The following DELE1 variants were observed in gnomAD, a reference collection of about 807,000 sequenced individuals.
The protein encoded by DELE1 is death ligand signal enhancer.
Under a neutral mutation model 59.3 loss-of-function variants are expected in DELE1, and 54 were observed. That is an observed-to-expected ratio of 0.91 (90% CI 0.73 to 1.14). The LOEUF (loss-of-function observed/expected upper bound fraction) is 1.14, where lower values mean the gene tolerates loss of function less well. DELE1 is among the 50% of genes most tolerant of loss of function. DELE1 has a pLI of 0.00. For missense variants in DELE1, 636 were observed against 643.9 expected (o/e 0.99, Z 0.13); for synonymous variants, 264 against 259.1 (o/e 1.02, Z -0.18).
At chr5:141,934,616 G>T (rs746857988) in intron 10 of DELE1, 30 bp downstream of exon 10, 2 of 1,597,844 alleles carry the variant, frequency 1.3e-6, no homozygotes, top group African/African-American at 1.3e-5. Context: ...AAGCATGTTG[G>T]GGATGAAGCC....
At chr5:141,934,003 AT>A (rs1327526657) in intron 8 of DELE1, 9 of 354,480 alleles carry the variant, frequency 2.5e-5, no homozygotes, top group African/African-American at 1.7e-4. Context: ...GTGAGAAGAT[AT>A]TTGCAAGGCT....
intron 2 of DELE1, 95 bp from the exon 3 acceptor site, chr5:141,925,315 C>A: frequency 1.4e-6 from 1 of 703,750 alleles, no homozygotes; most frequent in Non-Finnish European, 2.3e-6. Context: ...CCCACCTCAG[C>A]CTCCCAAATT....
intron 10 of DELE1, among the ~76,000 whole-genome samples, chr5:141,935,677 C>A (rs1309805754): frequency 1.3e-5 from 2 of 152,216 alleles, no homozygotes; most frequent in African/African-American, 4.8e-5. Flanking sequence ...TGAAAGAGCC[C>A]CACAGAGCCT....
intron 8 of DELE1, 103 bp from the exon 9 acceptor site, chr5:141,934,131 CTATAAT>C: frequency 1.2e-6 from 1 of 864,008 alleles, no homozygotes; most frequent in Non-Finnish European, 1.6e-6. Flanking sequence ...TCTGACTAGT[CTATAAT>C]TATTATGTAT....
chr5:141,924,078 C>A, intron 1 of DELE1, 106 bp downstream of exon 1: 1 of 1,429,132 alleles, frequency 7.0e-7, no homozygotes, highest in Non-Finnish European at 9.7e-7. Flanking sequence ...CGGGTTAGAG[C>A]CAAGGAAGGC....
Position 141,923,933 on chromosome 5 carries a change from G to A in DELE1, c.-9G>A. On this transcript the variant is annotated 5_prime_UTR_variant, in exon 1 of 12. Coordinates refer to ENST00000432126, the MANE Select transcript of DELE1 (RefSeq NM_014773.5). The stretch of plus-strand genomic sequence containing the variant: ...TCGGCTGCGAGCTCTCTGTGGTGCT[G>A]GCAGCGACATGTGGCGCCTCCCGGG... The A allele has an allele frequency of 1.2e-6, 2 of 1,605,774 alleles. No individual in the cohort carries two copies.
intron 10 of DELE1, 164 bp downstream of exon 10, chr5:141,934,750 G>A: frequency 1.5e-6 from 1 of 659,292 alleles, no homozygotes; most frequent in Non-Finnish European, 2.6e-6. Flanking sequence ...CCGTTGGGCA[G>A]TTGCAGTAGT....
At chr5:141,929,805 G>T (rs1168619177) in intron 5 of DELE1, 65 bp downstream of exon 5, 8 of 1,591,158 alleles carry the variant, frequency 5.0e-6, no homozygotes, top group Non-Finnish European at 6.9e-6. Context: ...GGGCAAGATG[G>T]ACGTTGTTTG....
At position 141,937,384 on chromosome 5, in the gene DELE1, G is replaced by C. The variant is rs761812611; in HGVS notation, c.1309+27G>C. 2.0e-5 allele frequency: 32 copies of C among 1,611,982 alleles called. No individual in the cohort carries two copies. The African/African-American group carries it at 4.0e-4, about 20-fold the overall frequency. ...TACAGACCCAAGTCCAAGCCAACAG[G>C]TTCATTCCCTGAGCTCAGTACTCTG... On this transcript the variant is annotated intron_variant, in intron 11 of 11. Transcript: ENST00000432126.
intron 10 of DELE1, among the ~76,000 whole-genome samples, chr5:141,935,293 G>A (rs1224072592): frequency 6.6e-6 from 1 of 152,206 alleles, no homozygotes; most frequent in African/African-American, 2.4e-5. Context: ...ATGGTTAGAT[G>A]GGTTTGGGAA....
chr5:141,934,470 C>A (rs1205991825), intron 9 of DELE1, 24 bp from the exon 10 acceptor site: 5 of 1,614,090 alleles, frequency 3.1e-6, no homozygotes, highest in African/African-American at 2.7e-5. Flanking sequence ...AAGATGCCTT[C>A]TTTTCCTTCC....
At chr5:141,936,614 T>A (rs1752380458) in intron 10 of DELE1, among the ~76,000 whole-genome samples, 1 of 152,120 alleles carries the variant, frequency 6.6e-6, no homozygotes, top group South Asian at 2.1e-4. Flanking sequence ...TTTTTTGTAT[T>A]TTTAGAGACG....
At position 141,933,416 on chromosome 5, in the gene DELE1, C is replaced by A. The variant is rs369296639; in HGVS notation, c.897+15C>A. ...ACATTAGCAAGGTATTCCCCTGCCC[C>A]CAAGCCTGCCTTCTGTGCTGGGCTG... On this transcript the variant is annotated intron_variant, in intron 8 of 11. Transcript: ENST00000432126. 1.4e-6 allele frequency: 2 copies of A among 1,454,306 alleles called. No homozygotes were observed. The highest frequency in any genetic ancestry group is 1.9e-5 in the Admixed American group (1 of 52,300). The allele number at this position is 1,454,306 out of a possible 1,614,324, so 90.1% of individuals were successfully genotyped here.
At chr5:141,930,487 C>T (rs962691981) in intron 7 of DELE1, among the ~76,000 whole-genome samples, 2 of 152,210 alleles carry the variant, frequency 1.3e-5, no homozygotes, top group African/African-American at 4.8e-5. Flanking sequence ...CGCAGTTTGG[C>T]AATTCCAGCT....
chr5:141,938,924 C>T lies in DELE1; in HGVS notation c.*165C>T. ...TGGCTGGTAAGTGACTGATCTTTCC[C>T]CCCGCTTGGTAGCCTCACAGATGAG... On this transcript the variant is annotated 3_prime_UTR_variant, in exon 12 of 12. Coordinates refer to ENST00000432126, the MANE Select transcript of DELE1 (RefSeq NM_014773.5). 1 of 1,433,108 alleles carries T rather than the reference C, an allele frequency of 7.0e-7. No individual in the cohort carries two copies. Among genetic ancestry groups the T allele is most frequent in the Non-Finnish European group, 9.1e-7 (1 of 1,097,724 alleles). 88.8% of individuals were successfully genotyped at this position (1,433,108 alleles called of 1,614,324 possible). A position where few individuals can be genotyped will look rare whatever the true frequency, so the allele number is the denominator to read the frequency against.
In DELE1 at chr5:141,924,562, T is replaced by G; in HGVS notation, c.32-19T>G. 1 of 1,494,184 alleles carries G rather than the reference T, an allele frequency of 6.7e-7. No individual in the cohort carries two copies. Among genetic ancestry groups the G allele is most frequent in the Non-Finnish European group, 9.3e-7 (1 of 1,073,468 alleles). The allele number at this position is 1,494,184 out of a possible 1,614,324, so 92.6% of individuals were successfully genotyped here. On this transcript the variant is annotated intron_variant, in intron 1 of 11. Coordinates refer to ENST00000432126, the MANE Select transcript of DELE1 (RefSeq NM_014773.5). ...CTGGGTTCTTGTTGAGGTGCCTGAG[T>G]TTTGGTTGTTCTGTACAGCTCTTCC...
intron 4 of DELE1, 33 bp from the exon 5 acceptor site, chr5:141,929,549 C>A: frequency 6.2e-7 from 1 of 1,608,384 alleles, no homozygotes; most frequent in South Asian, 1.1e-5. Context: ...CGCGCCTGGC[C>A]CAGACCTGAC....
rs1561525835 is a variant in DELE1, at chr5:141,939,247, A to C, written c.*488A>C. 1 of 554,258 alleles carries C rather than the reference A, an allele frequency of 1.8e-6. No individual in the cohort carries two copies. Among genetic ancestry groups the C allele is most frequent in the Non-Finnish European group, 2.3e-6 (1 of 436,686 alleles). 34.3% of individuals were successfully genotyped at this position (554,258 alleles called of 1,614,324 possible). On this transcript the variant is annotated 3_prime_UTR_variant, in exon 12 of 12. Transcript: ENST00000432126. ...TGTATAATATAAAAATATGATTAGC[A>C]TATTGACCTGTAGTTTGATAGATGT...
chr5:141,933,611 T>G (rs377527224), intron 8 of DELE1: 2 of 317,544 alleles, frequency 6.3e-6, no homozygotes, highest in East Asian at 9.7e-5. Context: ...CTTTCTTCTT[T>G]GCAACTACAT....
Sources: allele counts gnomAD v4.1 joint callset (sites outside exome capture counted in the v4.1 genomes callset), GRCh38; gene constraint gnomAD v4.1.1; transcripts MANE v1.5; gene names NCBI Gene and HGNC (gene_info 2026-07-23, HGNC 2026-07-21).